The following GABRR2 variants were observed in gnomAD, a reference collection of about 807,000 sequenced individuals.
The protein encoded by GABRR2 is gamma-aminobutyric acid type A receptor subunit rho2.
GABRR2 carries 36 observed loss-of-function variants against 47.0 expected under a neutral mutation model. That is an observed-to-expected ratio of 0.77 (90% CI 0.59 to 1.01). The LOEUF is 1.01. Ranked by LOEUF, GABRR2 falls within the 50% of genes least tolerant of loss-of-function variation. GABRR2 has a pLI of 0.00. For synonymous variants in GABRR2, 204 were observed against 227.5 expected (o/e 0.90, Z 0.93); for missense variants, 587 against 594.6 (o/e 0.99, Z 0.13).
chr6:89,264,355 ACCTT>A, intron 8 of GABRR2, 53 bp downstream of exon 8: 2 of 1,548,036 alleles, frequency 1.3e-6, no homozygotes, highest in Non-Finnish European at 1.7e-6. Context: ...GGCCCAGAAG[ACCTT>A]CATTTTCACC....
At chr6:89,291,582 C>T (rs771929150) in intron 2 of GABRR2, among the ~76,000 whole-genome samples, 19 of 152,004 alleles carry the variant, frequency 1.2e-4, no homozygotes, top group African/African-American at 3.6e-4. Flanking sequence ...TTTTCCTCAC[C>T]GCTGGTGCTC....
At chr6:89,273,477 C>T (rs62416351) in intron 2 of GABRR2, among the ~76,000 whole-genome samples, 15,693 of 152,244 alleles carry the variant, frequency 0.1, 1,044 homozygotes, top group Non-Finnish European at 0.15. Flanking sequence ...AAAAGTGATC[C>T]GCCCGCCTCG....
At chr6:89,301,796 T>C (rs1582463159) in intron 1 of GABRR2, 7 of 841,230 alleles carry the variant, frequency 8.3e-6, no homozygotes, top group East Asian at 2.5e-5. Context: ...AGGGAGATCC[T>C]GCACATTCAG....
intron 1 of GABRR2, among the ~76,000 whole-genome samples, chr6:89,300,175 TAAA>T (rs1179437807): frequency 6.6e-6 from 1 of 151,984 alleles, no homozygotes; most frequent in Non-Finnish European, 1.5e-5. Flanking sequence ...GCTAGACTAA[TAAA>T]GAAGAAAAGG....
chr6:89,268,356 G>C (rs974505647), intron 4 of GABRR2, among the ~76,000 whole-genome samples: 4 of 152,346 alleles, frequency 2.6e-5, no homozygotes, highest in East Asian at 1.9e-4. Flanking sequence ...GCTGCTAATG[G>C]CTCTCTCCTG....
intron 1 of GABRR2, among the ~76,000 whole-genome samples, chr6:89,308,544 A>G (rs1767613716): frequency 6.6e-6 from 1 of 152,218 alleles, no homozygotes; most frequent in Non-Finnish European, 1.5e-5. Context: ...TGGTGCTAAT[A>G]TAAAAGTTAG....
chr6:89,282,434 G>T (rs554378438), intron 2 of GABRR2, among the ~76,000 whole-genome samples: 1 of 152,188 alleles, frequency 6.6e-6, no homozygotes, highest in African/African-American at 2.4e-5. Context: ...TATCTTCACA[G>T]TGAAAAAACC....
intron 1 of GABRR2, among the ~76,000 whole-genome samples, chr6:89,306,942 G>T (rs969311637): frequency 6.6e-6 from 1 of 152,178 alleles, no homozygotes; most frequent in African/African-American, 2.4e-5. Flanking sequence ...GTTTGTGCCT[G>T]GCACTGAAGT....
At position 89,268,655 on chromosome 6, in the gene GABRR2, AC is replaced by A. The variant is rs1370805535; in HGVS notation, c.512+355del. Among the ~76,000 whole-genome samples, 364 of 46,124 alleles carry A rather than the reference AC, an allele frequency of 7.9e-3. 5 individuals are homozygous for A. Among genetic ancestry groups the A allele is most frequent in the African/African-American group, 0.033 (343 of 10,486 alleles). 30.3% of individuals were successfully genotyped at this position (46,124 alleles called of 152,430 possible). On this transcript the variant is annotated intron_variant, in intron 4 of 8. Coordinates refer to ENST00000402938, the MANE Select transcript of GABRR2 (RefSeq NM_002043.5). Reference sequence around the variant, plus strand: ...AACACAGTAGCTATTTTTTTGGGGGACGGGGGGGGGCTTTTTTTTTAATCTA... The same window carrying A: ...AACACAGTAGCTATTTTTTTGGGGGAGGGGGGGGGCTTTTTTTTTAATCTA...
intron 1 of GABRR2, chr6:89,303,096 G>A (rs1304755255): frequency 1.5e-5 from 10 of 681,162 alleles, no homozygotes; most frequent in Admixed American, 1.2e-4. Flanking sequence ...AGGAATTGGA[G>A]GCCCAGGGCC....
chr6:89,307,700 T>C (rs781059706), intron 1 of GABRR2, among the ~76,000 whole-genome samples: 1 of 152,222 alleles, frequency 6.6e-6, no homozygotes, highest in Non-Finnish European at 1.5e-5. Context: ...CCTGTGACTG[T>C]TGTGTGCAGC....
Position 89,255,222 on chromosome 6 carries a change from A to G in GABRR2, c.*2448T>C, listed in dbSNP as rs1039460474. ...GAGGCTGAGGCAGGCGGATCACCTG[A>G]GGTCAGGAGTTCAAGACCAGGCTGA... is the stretch of plus-strand genomic sequence containing the variant. On this transcript the variant is annotated 3_prime_UTR_variant, in exon 9 of 9. Transcript: ENST00000402938. Among the ~76,000 whole-genome samples, 8 of 152,174 alleles carry G rather than the reference A, an allele frequency of 5.3e-5. No homozygotes were observed. The highest frequency in any genetic ancestry group is 3.3e-4 in the Admixed American group (5 of 15,270).
chr6:89,289,421 A>G (rs1310417612), intron 2 of GABRR2, among the ~76,000 whole-genome samples: 1 of 152,210 alleles, frequency 6.6e-6, no homozygotes, highest in Non-Finnish European at 1.5e-5. Context: ...GATTAAGGCC[A>G]TGGTGTTGGG....
At chr6:89,303,876 T>C (rs1767506252) in intron 1 of GABRR2, among the ~76,000 whole-genome samples, 1 of 152,230 alleles carries the variant, frequency 6.6e-6, no homozygotes, top group Non-Finnish European at 1.5e-5. Context: ...ATTCAATACA[T>C]GGTGTTATGA....
chr6:89,266,238 T>C (rs937494838), intron 6 of GABRR2, among the ~76,000 whole-genome samples: 3 of 152,158 alleles, frequency 2.0e-5, no homozygotes, highest in African/African-American at 7.2e-5. Flanking sequence ...AAATTTTTTT[T>C]CTTATTATTA....
intron 1 of GABRR2, among the ~76,000 whole-genome samples, chr6:89,305,919 C>T (rs117525069): frequency 0.029 from 4,334 of 151,722 alleles, 83 homozygotes; most frequent in Middle Eastern, 0.041. Flanking sequence ...ACCTCTATAC[C>T]GAGTCTGCAT....
intron 2 of GABRR2, among the ~76,000 whole-genome samples, chr6:89,294,694 G>T (rs1315756926): frequency 4.0e-5 from 6 of 151,582 alleles, no homozygotes; most frequent in Admixed American, 3.3e-4. Context: ...ACAACGTGCA[G>T]GTTTGTTACA....
Position 89,257,824 on chromosome 6 carries a change from C to T in GABRR2, c.1244G>A (p.Gly415Asp). Residue 415 changes from glycine (G) to aspartate (D), a missense_variant, in exon 9 of 9, where the codon GGT becomes GAT. By Grantham distance (94) the Gly-to-Asp change is moderately conservative. Coordinates refer to ENST00000402938, the MANE Select transcript of GABRR2 (RefSeq NM_002043.5). Reference protein sequence around the residue: ...DKIVVHLGLSGEANAARKKGL... With the variant: ...DKIVVHLGLSDEANAARKKGL... The stretch of plus-strand genomic sequence containing the variant: ...CTTCTTTCTGGCAGCGTTGGCTTCA[C>T]CACTCAGGCCCAGGTGGACCACTAT... 1 of 1,614,080 alleles carries T rather than the reference C, an allele frequency of 6.2e-7. No individual in the cohort carries two copies. Among genetic ancestry groups the T allele is most frequent in the Non-Finnish European group, 8.5e-7 (1 of 1,179,898 alleles).
At chr6:89,304,007 A>AGACACCCTAGGC (rs1767508314) in intron 1 of GABRR2, among the ~76,000 whole-genome samples, 1 of 152,372 alleles carries the variant, frequency 6.6e-6, no homozygotes, top group African/African-American at 2.4e-5. Context: ...AAACCCTGGA[A>AGACACCCTAGGC]GACACCCTAG....
Sources: gnomAD v4.1 joint callset for allele counts (sites outside exome capture counted in the v4.1 genomes callset) on GRCh38, gnomAD v4.1.1 for gene constraint, MANE v1.5 for transcripts, NCBI Gene and HGNC (gene_info 2026-07-23, HGNC 2026-07-21) for gene names.